The following ACACA variants were observed in gnomAD, a reference collection of about 807,000 sequenced individuals.
ACACA encodes the protein acetyl-CoA carboxylase alpha, also known as acetyl-CoA carboxylase 1.
Under a neutral mutation model 296.1 loss-of-function variants are expected in ACACA, and 103 were observed. The ratio of observed to expected loss-of-function variants is 0.35; its 90% CI spans 0.30 to 0.41. The LOEUF (loss-of-function observed/expected upper bound fraction) is 0.41, where lower values mean the gene tolerates loss of function less well. ACACA is among the 10% of genes least tolerant of loss of function. The pLI, the probability that ACACA is intolerant of heterozygous loss-of-function variation, is 1.00. For synonymous variants in ACACA, 953 were observed against 1,038.6 expected, an observed-to-expected ratio of 0.92 and a Z score of 1.58; for missense variants, 1,554 against 2,989.7, an observed-to-expected ratio of 0.52 and a Z score of 11.20.
At position 37,119,589 on chromosome 17, in the gene ACACA, A is replaced by AACACACACAC. The variant is rs71368443; in HGVS notation, c.6274+1756_6274+1765dup. On this transcript the variant is annotated intron_variant, in intron 50 of 55. Transcript: ENST00000616317. The stretch of plus-strand genomic sequence containing the variant: ...CAGGCAAAGGTAAACTTTTCAACCA[A>AACACACACAC]ACACACACACACACACACACACACA... 7.8e-4 allele frequency among the ~76,000 whole-genome samples: 100 copies of AACACACACAC among 128,438 alleles called. 1 individual carries two copies. The highest frequency in any genetic ancestry group is 3.8e-3 in the Middle Eastern group (1 of 260). The allele number at this position is 128,438 out of a possible 152,430, so 84.3% of individuals were successfully genotyped here.
intron 29 of ACACA, among the ~76,000 whole-genome samples, chr17:37,220,166 T>C (rs999620949): frequency 5.3e-5 from 8 of 152,190 alleles, no homozygotes; most frequent in African/African-American, 1.9e-4. Flanking sequence ...ACTCTTGACA[T>C]AGAAAGGTGA....
intron 33 of ACACA, 74 bp from the exon 34 acceptor site, chr17:37,200,557 T>C (rs928714252): frequency 1.5e-6 from 2 of 1,372,326 alleles, no homozygotes; most frequent in Non-Finnish European, 2.1e-6. Flanking sequence ...CATTCGGCCC[T>C]TGTAAGGCTT....
At chr17:37,329,045 G>T (rs932454151) in intron 3 of ACACA, 1 of 398,054 alleles carries the variant, frequency 2.5e-6, no homozygotes, top group African/African-American at 2.1e-5. Context: ...ATCAAACATC[G>T]ATAAATAAAA....
At chr17:37,096,064 TC>T (rs1223152601) in intron 54 of ACACA, among the ~76,000 whole-genome samples, 3 of 152,198 alleles carry the variant, frequency 2.0e-5, no homozygotes, top group African/African-American at 7.2e-5. Context: ...GATACTTCCT[TC>T]CATCTCTGAT....
chr17:37,202,337 T>C (rs2078285338), intron 33 of ACACA, among the ~76,000 whole-genome samples: 1 of 152,142 alleles, frequency 6.6e-6, no homozygotes, highest in Non-Finnish European at 1.5e-5. Flanking sequence ...GATTACATTG[T>C]AATAATGCAG....
At chr17:37,183,018 A>C (rs1344007416) in intron 39 of ACACA, among the ~76,000 whole-genome samples, 1 of 152,228 alleles carries the variant, frequency 6.6e-6, no homozygotes, top group Non-Finnish European at 1.5e-5. Flanking sequence ...TGTGTCAGTA[A>C]AAGCAATAAT....
chr17:37,170,058 T>C (rs1278687665), intron 41 of ACACA, among the ~76,000 whole-genome samples: 1 of 152,100 alleles, frequency 6.6e-6, no homozygotes, highest in African/African-American at 2.4e-5. Flanking sequence ...ACTATAGCCA[T>C]GAATAAGTTT....
chr17:37,311,239 T>A (rs1231675344), intron 3 of ACACA, among the ~76,000 whole-genome samples: 1 of 152,048 alleles, frequency 6.6e-6, no homozygotes, highest in Non-Finnish European at 1.5e-5. Flanking sequence ...GATAAGGCAA[T>A]AATCCAAAGG....
Position 37,097,575 on chromosome 17 carries a change from ATG to A in ACACA, c.6720+253_6720+254del, listed in dbSNP as rs2073069047. On this transcript the variant is annotated intron_variant, in intron 53 of 55. Transcript: ENST00000616317. The surrounding 1 kb of genome is among the most constrained non-coding windows in gnomAD (Gnocchi z 4.8). Reference sequence around the variant, plus strand: ...GAGGACCCGTCACCAATGAAGTCACATGTGACTCAGTTTCCCACCAGTAAAAT... The same window carrying A: ...GAGGACCCGTCACCAATGAAGTCACATGACTCAGTTTCCCACCAGTAAAAT... Among the ~76,000 whole-genome samples the A allele has an allele frequency of 6.6e-6, 1 of 152,224 alleles. No individual in the cohort carries two copies. The highest frequency in any genetic ancestry group is 1.5e-5 in the Non-Finnish European group (1 of 68,040).
intron 7 of ACACA, 104 bp from the exon 8 acceptor site, chr17:37,276,153 T>C: frequency 2.4e-6 from 2 of 825,090 alleles, no homozygotes; most frequent in Non-Finnish European, 4.2e-6. Flanking sequence ...TGTCTTGTCC[T>C]CCCCCCACCC....
chr17:37,329,813 C>T (rs2047788935), intron 3 of ACACA, among the ~76,000 whole-genome samples: 2 of 151,638 alleles, frequency 1.3e-5, no homozygotes, highest in South Asian at 2.1e-4. Flanking sequence ...TGGTGGCAGG[C>T]GCCTGTAATC....
At chr17:37,307,603 C>T (rs1030933527) in intron 3 of ACACA, among the ~76,000 whole-genome samples, 12 of 151,556 alleles carry the variant, frequency 7.9e-5, no homozygotes, top group Non-Finnish European at 1.6e-4. Context: ...TTTTGTTTTG[C>T]TTTGTTTTTG....
At chr17:37,187,883 T>G (rs1327012538) in intron 39 of ACACA, among the ~76,000 whole-genome samples, 1 of 152,200 alleles carries the variant, frequency 6.6e-6, no homozygotes, top group African/African-American at 2.4e-5. Flanking sequence ...AACAATTCTC[T>G]TTTCCTCACT....
intron 1 of ACACA, among the ~76,000 whole-genome samples, chr17:37,359,931 A>G (rs1346760247): frequency 6.6e-6 from 1 of 151,972 alleles, no homozygotes; most frequent in Non-Finnish European, 1.5e-5. Flanking sequence ...GGAATGTACC[A>G]AAGAACCACC....
intron 2 of ACACA, among the ~76,000 whole-genome samples, chr17:37,334,572 G>A (rs2048025520): frequency 7.0e-6 from 1 of 142,232 alleles, no homozygotes. Flanking sequence ...AAAAATCCAT[G>A]AGACAATGCT....
At position 37,406,354 on chromosome 17, in the gene ACACA, CT is replaced by C. The variant is rs1281343206; in HGVS notation, c.-56del. On this transcript the variant is annotated 5_prime_UTR_variant, in exon 1 of 56. It removes the in-frame stop codon of an upstream open reading frame in the 5' UTR. Coordinates refer to ENST00000616317, the MANE Select transcript of ACACA (RefSeq NM_198834.3). ...TCTGAAGCCCAAAGAGGGGATGGTT[CT>C]TTCCAAAGAAGACAATTTCGACGTT... 1 of 1,594,634 alleles carries C rather than the reference CT, an allele frequency of 6.3e-7. No individual in the cohort carries two copies. Among genetic ancestry groups the C allele is most frequent in the Non-Finnish European group, 8.6e-7 (1 of 1,162,440 alleles).
intron 1 of ACACA, among the ~76,000 whole-genome samples, chr17:37,362,220 A>G (rs749261210): frequency 5.3e-5 from 8 of 152,192 alleles, no homozygotes; most frequent in Non-Finnish European, 8.8e-5. Context: ...TGTTTAAGCC[A>G]CCAGTTTGTG....
chr17:37,122,668 A>G, intron 48 of ACACA, 41 bp from the exon 49 acceptor site: 3 of 1,517,412 alleles, frequency 2.0e-6, no homozygotes, highest in Non-Finnish European at 2.7e-6. Flanking sequence ...ATGTATGTCA[A>G]CATTATAGCT....
chr17:37,358,703 G>T (rs934746685), intron 1 of ACACA, among the ~76,000 whole-genome samples: 10 of 152,226 alleles, frequency 6.6e-5, no homozygotes, highest in Non-Finnish European at 1.2e-4. Context: ...GCTCCAGGCA[G>T]AAACTCCAGC....
Sources: allele counts gnomAD v4.1 joint callset (sites outside exome capture counted in the v4.1 genomes callset), GRCh38; gene constraint gnomAD v4.1.1; non-coding constraint Gnocchi (gnomAD v3.1); transcripts MANE v1.5; gene names NCBI Gene and HGNC (gene_info 2026-07-23, HGNC 2026-07-21).